SLC2A9: variants seen among roughly 807,000 people sequenced by gnomAD.
SLC2A9 encodes the protein solute carrier family 2, facilitated glucose transporter member 9.
In SLC2A9, 39 loss-of-function variants were observed where a neutral mutation model predicts 50.6. That is an observed-to-expected ratio of 0.77 (90% confidence interval 0.60 to 1.01). The LOEUF (loss-of-function observed/expected upper bound fraction) is 1.01. Among genes scored for constraint, SLC2A9 ranks in the 50% least tolerant of loss-of-function variants. The pLI, the probability that SLC2A9 is intolerant of heterozygous loss-of-function variation, is 0.00. For synonymous variants in SLC2A9, 324 were observed against 276.9 expected (o/e 1.17, Z -1.69); for missense variants, 686 against 677.6 (o/e 1.01, Z -0.14).
At chr4:9,951,628 T>A (rs76574510) in intron 5 of SLC2A9, among the ~76,000 whole-genome samples, 586 of 45,218 alleles carry the variant, frequency 0.013, 3 homozygotes, top group African/African-American at 0.097. Flanking sequence ...AAGTTTATTT[T>A]TAAAAAAACA....
At chr4:9,829,125 C>A (rs551665628) in intron 11 of SLC2A9, among the ~76,000 whole-genome samples, 9 of 152,206 alleles carry the variant, frequency 5.9e-5, no homozygotes, top group African/African-American at 9.6e-5. Flanking sequence ...GTGGCTCAGC[C>A]GAGCACAGTA....
intron 10 of SLC2A9, among the ~76,000 whole-genome samples, chr4:9,837,518 T>A (rs932102698): frequency 6.6e-6 from 1 of 152,202 alleles, no homozygotes. Context: ...ACTCAGTACT[T>A]CTGAGGCTGG....
At chr4:9,777,945 A>G (rs1246616505), downstream of SLC2A9, among the ~76,000 whole-genome samples, 1 of 152,224 alleles carries the variant, frequency 6.6e-6, no homozygotes, top group East Asian at 1.9e-4. Context: ...ACTTATAAAA[A>G]TCCATGTTGC....
chr4:9,799,697 C>CG (rs1721100303), intron 3 of SLC2A9, among the ~76,000 whole-genome samples: 2 of 67,048 alleles, frequency 3.0e-5, no homozygotes, highest in African/African-American at 5.0e-5. Flanking sequence ...ATTGTACCCC[C>CG]CCCCCACCCA....
chr4:9,814,185 G>A (rs1723253210), intron 3 of SLC2A9, among the ~76,000 whole-genome samples: 1 of 152,114 alleles, frequency 6.6e-6, no homozygotes, highest in Non-Finnish European at 1.5e-5. Flanking sequence ...TAAAGAGGAG[G>A]AGAAGGACAT....
chr4:9,827,141 C>T (rs56253435), intron 11 of SLC2A9, among the ~76,000 whole-genome samples: 23,074 of 152,150 alleles, frequency 0.15, 2,281 homozygotes, highest in African/African-American at 0.28. Context: ...AATAGAAATG[C>T]TCAATGCAAT....
chr4:9,772,196 G>T (rs1438822551), intron 1 of SLC2A9, among the ~76,000 whole-genome samples: 1 of 152,180 alleles, frequency 6.6e-6, no homozygotes, highest in Admixed American at 6.5e-5. Flanking sequence ...CTGCCCAACA[G>T]CTCTGGCAGC....
intron 7 of SLC2A9, 37 bp from the exon 8 acceptor site, chr4:9,908,382 A>G (rs778886684): frequency 7.2e-7 from 1 of 1,397,120 alleles, no homozygotes; most frequent in South Asian, 1.2e-5. Flanking sequence ...GAGAATGGTC[A>G]GTGGAAGGAC....
chr4:9,879,453 G>A (rs1168525286), intron 10 of SLC2A9: 1 of 985,208 alleles, frequency 1.0e-6, no homozygotes, highest in Non-Finnish European at 1.2e-6. Context: ...TGGCTGCAGT[G>A]CAGGGAGAAT....
At chr4:10,015,610 T>C (rs1578349217) in intron 2 of SLC2A9, among the ~76,000 whole-genome samples, 1 of 152,124 alleles carries the variant, frequency 6.6e-6, no homozygotes, top group South Asian at 2.1e-4. Context: ...GCAGAGGTCA[T>C]GGGGGCGGCC....
At chr4:9,780,343 T>C (rs574091399) in intron 3 of SLC2A9, among the ~76,000 whole-genome samples, 1 of 151,900 alleles carries the variant, frequency 6.6e-6, no homozygotes, top group Non-Finnish European at 1.5e-5. Flanking sequence ...TCCCAGAAGA[T>C]GAGGAGAGAC....
chr4:9,979,938 C>T (rs1028728116), intron 5 of SLC2A9, among the ~76,000 whole-genome samples: 2 of 152,150 alleles, frequency 1.3e-5, no homozygotes, highest in African/African-American at 4.8e-5. Context: ...CATCACCTGC[C>T]TAACTCCTGC....
chr4:9,898,057 C>G (rs1738890680), intron 8 of SLC2A9, among the ~76,000 whole-genome samples: 1 of 152,148 alleles, frequency 6.6e-6, no homozygotes, highest in South Asian at 2.1e-4. Flanking sequence ...CCTCACAGCC[C>G]TCAGGAGAAG....
chr4:9,998,933 A>C lies in SLC2A9; in HGVS notation c.250-1992T>G, dbSNP rs77326024. On this transcript the variant is annotated intron_variant, in intron 2 of 11. Coordinates refer to ENST00000264784, the MANE Select transcript of SLC2A9 (RefSeq NM_020041.3). ...AGTCTGATTCCATGTGTAAAACCCAAAAGTATGCCAAATTAAAATTTTTTG... is the reference window on the plus strand; with the variant it reads ...AGTCTGATTCCATGTGTAAAACCCACAAGTATGCCAAATTAAAATTTTTTG... Among the ~76,000 whole-genome samples the C allele has an allele frequency of 1.1e-4, 16 of 152,336 alleles. No homozygotes were observed. In the East Asian group the frequency reaches 3.1e-3, roughly 29 times the overall value.
chr4:9,915,040 T>C (rs532722835), intron 7 of SLC2A9, among the ~76,000 whole-genome samples: 2 of 152,330 alleles, frequency 1.3e-5, no homozygotes, highest in South Asian at 2.1e-4. Context: ...TGATACCACC[T>C]TTCTGGCCTG....
chr4:9,850,517 T>C (rs1007519730), intron 10 of SLC2A9, among the ~76,000 whole-genome samples: 2 of 152,042 alleles, frequency 1.3e-5, no homozygotes, highest in Non-Finnish European at 2.9e-5. Flanking sequence ...CCCAGCCTGG[T>C]TGTGCCCAGA....
intron 8 of SLC2A9, among the ~76,000 whole-genome samples, chr4:9,891,286 C>T (rs1160349043): frequency 5.9e-5 from 9 of 152,210 alleles, no homozygotes; most frequent in Non-Finnish European, 2.9e-5. Flanking sequence ...TCACTGACCT[C>T]CATCTGGCTG....
chr4:9,967,322 C>A (rs1753196885), intron 5 of SLC2A9, among the ~76,000 whole-genome samples: 1 of 151,904 alleles, frequency 6.6e-6, no homozygotes, highest in African/African-American at 2.4e-5. Flanking sequence ...TTATAAAAGA[C>A]TAAATATCAT....
intron 3 of SLC2A9, among the ~76,000 whole-genome samples, chr4:9,803,833 AAGGATAT>A (rs1184781445): frequency 6.6e-6 from 1 of 152,214 alleles, no homozygotes; most frequent in Non-Finnish European, 1.5e-5. Context: ...TAAATGAATG[AAGGATAT>A]ACTTATTAAA....
Sources: gnomAD v4.1 joint callset for allele counts (sites outside exome capture counted in the v4.1 genomes callset) on GRCh38, gnomAD v4.1.1 for gene constraint, MANE v1.5 for transcripts, NCBI Gene and HGNC (gene_info 2026-07-23, HGNC 2026-07-21) for gene names.